The following EPS8 variants were observed in gnomAD, a reference collection of about 807,000 sequenced individuals.
EPS8 encodes the protein EGFR pathway substrate 8, signaling adaptor, also known as epidermal growth factor receptor kinase substrate 8.
EPS8 carries 42 observed loss-of-function variants against 103.8 expected under a neutral mutation model. That is an observed-to-expected ratio of 0.40 (90% CI 0.32 to 0.52). The LOEUF (loss-of-function observed/expected upper bound fraction) is 0.52, where lower values mean the gene tolerates loss of function less well. Among genes scored for constraint, EPS8 ranks in the 20% least tolerant of loss-of-function variants. The pLI is 0.40. For missense variants in EPS8, 969 were observed against 1,005.1 expected, an observed-to-expected ratio of 0.96 and a Z score of 0.49; for synonymous variants, 344 against 344.6, an observed-to-expected ratio of 1.00 and a Z score of 0.02.
At chr12:15,707,817 C>T (rs1946407919) in intron 1 of EPS8, among the ~76,000 whole-genome samples, 1 of 152,152 alleles carries the variant, frequency 6.6e-6, no homozygotes, top group African/African-American at 2.4e-5. Context: ...CCTTACAATT[C>T]TGAAGTACTA....
Position 15,781,425 on chromosome 12 carries a change from C to T in EPS8, c.-22+7736G>A, listed in dbSNP as rs1332900907. 6.6e-6 allele frequency among the ~76,000 whole-genome samples: 1 copy of T among 152,196 alleles called. No homozygotes were observed. Among genetic ancestry groups the T allele is most frequent in the Non-Finnish European group, 1.5e-5 (1 of 68,046 alleles). On this transcript the variant is annotated intron_variant, in intron 1 of 20. Coordinates refer to ENST00000281172, the MANE Select transcript of EPS8 (RefSeq NM_004447.6). This position sits in a 1 kb window ranked among gnomAD's most constrained non-coding sequence, Gnocchi z 4.1. ...TCAGGTCAGGGTTCTCATCCCAATT[C>T]GGTCCCTTTCTCCCCATGTGTGACA...
chr12:15,638,071 A>G (rs1591808960), intron 17 of EPS8, among the ~76,000 whole-genome samples: 1 of 152,180 alleles, frequency 6.6e-6, no homozygotes, highest in Admixed American at 6.5e-5. Context: ...TATCTTAATT[A>G]TCATTCTGAA....
rs956972304 is a variant in EPS8 at position 15,725,234 on chromosome 12, T to C, written c.-21-42262A>G. The stretch of plus-strand genomic sequence containing the variant: ...AATTTCTACTCGTTTATGGGGACTG[T>C]CTGGAATTTTAGCAGCAATGTGCTT... On this transcript the variant is annotated intron_variant, in intron 1 of 20. Transcript: ENST00000281172. The surrounding 1 kb of genome is among the most constrained non-coding windows in gnomAD (Gnocchi z 4.5). Among the ~76,000 whole-genome samples the C allele has an allele frequency of 1.1e-4, 17 of 152,152 alleles. No homozygotes were observed. The highest frequency in any genetic ancestry group is 1.5e-5 in the Non-Finnish European group (1 of 68,034).
rs5796646 is a variant in EPS8 at position 15,745,558 on chromosome 12, CA to C, written c.-22+43602del. Among the ~76,000 whole-genome samples the C allele has an allele frequency of 3.0e-4, 43 of 145,200 alleles. 2 individuals are homozygous for C. Among genetic ancestry groups the C allele is most frequent in the South Asian group, 1.3e-3 (6 of 4,570 alleles). On this transcript the variant is annotated intron_variant, in intron 1 of 20. Transcript: ENST00000281172. The surrounding 1 kb of genome is among the most constrained non-coding windows in gnomAD (Gnocchi z 4.6). Reference sequence around the variant, plus strand: ...CTCCAAAAATCTATGACTATGTATCCAAAAAAAAAAAAAAATTCTTTAAACC... The same window carrying C: ...CTCCAAAAATCTATGACTATGTATCCAAAAAAAAAAAAAATTCTTTAAACC...
In EPS8 at chr12:15,624,505, C is replaced by T. The variant is rs549070920; in HGVS notation, c.2045-98G>A. ...TCTATAATCCTTGACCCCAGTAGGA[C>T]CTACAGTCTAGTGTTCCTACCATCT... On this transcript the variant is annotated intron_variant, in intron 18 of 20. Transcript: ENST00000281172. The T allele has an allele frequency of 1.3e-3, 1,091 of 849,050 alleles. 3 individuals carry two copies. Among genetic ancestry groups the T allele is most frequent in the Non-Finnish European group, 1.5e-3 (818 of 554,118 alleles). The allele number at this position is 849,050 out of a possible 1,614,324, so 52.6% of individuals were successfully genotyped here.
In EPS8 at chr12:15,631,477, C is replaced by T. The variant is rs368241843; in HGVS notation, c.2009G>A (p.Arg670Gln). The T allele has an allele frequency of 1.7e-4, 270 of 1,613,942 alleles. No homozygotes were observed. Among genetic ancestry groups the T allele is most frequent in the Non-Finnish European group, 2.1e-4 (249 of 1,179,992 alleles). The part of the protein sequence containing the change: ...SSSDSGGSIV[R>Q]DSQRHKQLPV... ...AAGTTGTTTGTGTCTCTGGCTGTCT[C>T]GCACGATACTGCCACCACTGTCACT... is the stretch of plus-strand genomic sequence containing the variant. The change falls in exon 18 of 21, where the codon CGA becomes CAA. Residue 670 changes from arginine to glutamine, a missense_variant. Transcript: ENST00000281172.
chr12:15,787,845 A>G lies in EPS8; in HGVS notation c.-22+1316T>C, dbSNP rs1947326213. On this transcript the variant is annotated intron_variant, in intron 1 of 20. Transcript: ENST00000281172. The surrounding 1 kb of genome is among the most constrained non-coding windows in gnomAD (Gnocchi z 4.9). ...TAAAAGTGTGAATTCGTGACCAAAA[A>G]TTTTCCACACCAGCAACTTAAGAAC... 1.3e-5 allele frequency: 2 copies of G among 152,154 alleles called. No homozygotes were observed. The highest frequency in any genetic ancestry group is 6.5e-5 in the Admixed American group (1 of 15,284). 9.4% of individuals were successfully genotyped at this position (152,154 alleles called of 1,614,324 possible). A position where few individuals can be genotyped will look rare whatever the true frequency, so the allele number is the denominator to read the frequency against.
chr12:15,715,324 G>A (rs965497922), intron 1 of EPS8, among the ~76,000 whole-genome samples: 3 of 149,512 alleles, frequency 2.0e-5, no homozygotes, highest in African/African-American at 7.4e-5. Flanking sequence ...GCCCAACAGT[G>A]TTTCCTTCCT....
intron 6 of EPS8, among the ~76,000 whole-genome samples, chr12:15,667,111 G>A (rs1945727281): frequency 6.6e-6 from 1 of 152,176 alleles, no homozygotes; most frequent in South Asian, 2.1e-4. Context: ...AGCAACGTGA[G>A]ATTAGCAGAT....
chr12:15,715,196 C>T (rs1209246349), intron 1 of EPS8, among the ~76,000 whole-genome samples: 1 of 152,104 alleles, frequency 6.6e-6, no homozygotes, highest in Middle Eastern at 3.2e-3. Flanking sequence ...ATGTGGAAGA[C>T]AAAGCCTTGG....
At chr12:15,765,126 AT>A (rs553645397) in intron 1 of EPS8, among the ~76,000 whole-genome samples, 177 of 152,314 alleles carry the variant, frequency 1.2e-3, no homozygotes, top group African/African-American at 4.1e-3. Context: ...AATTTTTAGC[AT>A]TTTAAAGCTT....
chr12:15,689,563 A>G (rs938832553), intron 1 of EPS8, among the ~76,000 whole-genome samples: 4 of 152,232 alleles, frequency 2.6e-5, no homozygotes, highest in African/African-American at 7.2e-5. Context: ...GCTTTGATAC[A>G]TGTATAACTA....
chr12:15,631,490 C>T lies in EPS8; in HGVS notation c.1996G>A (p.Gly666Ser). 1 of 1,614,088 alleles carries T rather than the reference C, an allele frequency of 6.2e-7. No individual in the cohort carries two copies. The highest frequency in any genetic ancestry group is 8.5e-7 in the Non-Finnish European group (1 of 1,179,994). Residue 666 changes from glycine to serine, a missense_variant, in exon 18 of 21, where the codon GGC (glycine) becomes AGC (serine). Gly to Ser is a moderately conservative substitution (Grantham distance 56). Transcript: ENST00000281172. Reference protein sequence around the residue: ...RQNSSSSDSGGSIVRDSQRHK... With the variant: ...RQNSSSSDSGSSIVRDSQRHK... ...CTCTGGCTGTCTCGCACGATACTGCCACCACTGTCACTGGAGCTGCTGTTT... is the reference window on the plus strand; with the variant it reads ...CTCTGGCTGTCTCGCACGATACTGCTACCACTGTCACTGGAGCTGCTGTTT...
At chr12:15,645,057 T>C (rs1945297793) in intron 15 of EPS8, among the ~76,000 whole-genome samples, 1 of 152,148 alleles carries the variant, frequency 6.6e-6, no homozygotes. Flanking sequence ...TCTAGACTAT[T>C]ATCCCTTCAT....
Position 15,738,818 on chromosome 12 carries a change from T to C in EPS8, c.-22+50343A>G, listed in dbSNP as rs1470991437. ...CTTAATAAATGTTTGTTGAATCCACTTACAAGCATACACCTTCACTCCAAG... is the reference window on the plus strand; with the variant it reads ...CTTAATAAATGTTTGTTGAATCCACCTACAAGCATACACCTTCACTCCAAG... On this transcript the variant is annotated intron_variant, in intron 1 of 20. Coordinates refer to ENST00000281172, the MANE Select transcript of EPS8 (RefSeq NM_004447.6). This position sits in a 1 kb window ranked among gnomAD's most constrained non-coding sequence, Gnocchi z 6.2. Among the ~76,000 whole-genome samples the C allele has an allele frequency of 2.0e-5, 3 of 152,142 alleles. No homozygotes were observed. Among genetic ancestry groups the C allele is most frequent in the African/African-American group, 7.2e-5 (3 of 41,430 alleles).
rs1182021137 is a variant in EPS8, at chr12:15,749,830, C to T, written c.-22+39331G>A. ...AGGGAATATTAGTTGTGCTTCCACA[C>T]ACCAGTAAGCCCAAAATAAATCAGT... On this transcript the variant is annotated intron_variant, in intron 1 of 20. Transcript: ENST00000281172. This position sits in a 1 kb window ranked among gnomAD's most constrained non-coding sequence, Gnocchi z 4.0. Among the ~76,000 whole-genome samples, 1 of 152,146 alleles carries T rather than the reference C, an allele frequency of 6.6e-6. No individual in the cohort carries two copies. Among genetic ancestry groups the T allele is most frequent in the Non-Finnish European group, 1.5e-5 (1 of 68,028 alleles).
At chr12:15,639,529 T>A (rs1375666157) in intron 17 of EPS8, among the ~76,000 whole-genome samples, 1 of 152,072 alleles carries the variant, frequency 6.6e-6, no homozygotes, top group African/African-American at 2.4e-5. Flanking sequence ...AGCCAAAACA[T>A]AACACAGCAA....
Position 15,779,671 on chromosome 12 carries a change from G to A in EPS8, c.-22+9490C>T, listed in dbSNP as rs1254683062. Among the ~76,000 whole-genome samples the A allele has an allele frequency of 6.6e-6, 1 of 152,114 alleles. No individual in the cohort carries two copies. The highest frequency in any genetic ancestry group is 1.9e-4 in the East Asian group (1 of 5,200). On this transcript the variant is annotated intron_variant, in intron 1 of 20. Coordinates refer to ENST00000281172, the MANE Select transcript of EPS8 (RefSeq NM_004447.6). This position sits in a 1 kb window ranked among gnomAD's most constrained non-coding sequence, Gnocchi z 4.3. ...GCCCTCAATAAGGGACTTGAAAAAT[G>A]TTTCTCCCTCATTTAAGTACAAACT...
At chr12:15,681,331 A>AATG (rs1565497350) in intron 2 of EPS8, 29 bp from the exon 3 acceptor site, 5 of 979,040 alleles carry the variant, frequency 5.1e-6, no homozygotes, top group Non-Finnish European at 5.5e-6. Flanking sequence ...TAATAATAAT[A>AATG]ATAATATAAA....
Sources: allele counts gnomAD v4.1 joint callset (sites outside exome capture counted in the v4.1 genomes callset), GRCh38; gene constraint gnomAD v4.1.1; non-coding constraint Gnocchi (gnomAD v3.1); transcripts MANE v1.5; gene names NCBI Gene and HGNC (gene_info 2026-07-23, HGNC 2026-07-21).